SPOCK1: variants seen among roughly 807,000 people sequenced by gnomAD.
SPOCK1 encodes testican-1.
In SPOCK1, 23 loss-of-function variants were observed where a neutral mutation model predicts 55.3. The observed-to-expected ratio is 0.42, with a 90% CI of 0.30 to 0.59. SPOCK1 has a LOEUF of 0.59. SPOCK1 is among the 20% of genes least tolerant of loss of function. The pLI is 0.22. For missense variants in SPOCK1, 499 were observed against 552.5 expected (o/e 0.90, Z 0.97); for synonymous variants, 226 against 221.0 (o/e 1.02, Z -0.20).
At chr5:137,054,378 G>T (rs544549691) in intron 6 of SPOCK1, among the ~76,000 whole-genome samples, 1 of 152,242 alleles carries the variant, frequency 6.6e-6, no homozygotes, top group South Asian at 2.1e-4. Flanking sequence ...ATAATTGAAG[G>T]CAAATAATAG....
At chr5:137,454,524 G>C (rs1189676131) in intron 2 of SPOCK1, among the ~76,000 whole-genome samples, 5 of 152,116 alleles carry the variant, frequency 3.3e-5, no homozygotes, top group African/African-American at 1.2e-4. Context: ...GGAGGGGAGG[G>C]GGGAACAATG....
At chr5:137,347,609 G>A (rs942782480) in intron 2 of SPOCK1, among the ~76,000 whole-genome samples, 21 of 152,206 alleles carry the variant, frequency 1.4e-4, no homozygotes, top group African/African-American at 4.8e-4. Context: ...TTAGCTACTT[G>A]GGAGGCTGAG....
chr5:137,313,846 G>A (rs1716732870), intron 2 of SPOCK1, among the ~76,000 whole-genome samples: 1 of 150,636 alleles, frequency 6.6e-6, no homozygotes, highest in African/African-American at 2.4e-5. Context: ...TCCACATCCT[G>A]GGGGAAATGA....
At chr5:137,165,818 A>C (rs988521692) in intron 3 of SPOCK1, among the ~76,000 whole-genome samples, 1 of 152,180 alleles carries the variant, frequency 6.6e-6, no homozygotes, top group Non-Finnish European at 1.5e-5. Context: ...GATCAAACAG[A>C]AGAATTAGTG....
chr5:137,188,703 A>G (rs1365471450), intron 3 of SPOCK1, among the ~76,000 whole-genome samples: 2 of 152,222 alleles, frequency 1.3e-5, no homozygotes, highest in East Asian at 3.8e-4. Flanking sequence ...TGTTCAAGTG[A>G]AAGGAAAAGT....
Position 137,492,718 on chromosome 5 carries a change from T to G in SPOCK1, c.186+5655A>C, listed in dbSNP as rs557527149. Among the ~76,000 whole-genome samples, 6 of 152,190 alleles carry G rather than the reference T, an allele frequency of 3.9e-5. No homozygotes were observed. In the East Asian group the frequency reaches 1.2e-3, roughly 29 times the overall value. On this transcript the variant is annotated intron_variant, in intron 2 of 10. Transcript: ENST00000394945. ...TTATGGGGGGAGGGCACAATGAGAG[T>G]GTGCATGTAGACCAGAAACCTGCGA... is the stretch of plus-strand genomic sequence containing the variant.
At chr5:137,172,866 A>T (rs1439645702) in intron 3 of SPOCK1, among the ~76,000 whole-genome samples, 1 of 152,146 alleles carries the variant, frequency 6.6e-6, no homozygotes, top group African/African-American at 2.4e-5. Flanking sequence ...CCTGGAACCT[A>T]AAGGCTGTCT....
At chr5:137,208,315 G>A (rs183202363) in intron 3 of SPOCK1, among the ~76,000 whole-genome samples, 1 of 152,292 alleles carries the variant, frequency 6.6e-6, no homozygotes, top group African/African-American at 2.4e-5. Context: ...GGATGACTGT[G>A]TGAACTGGAG....
intron 6 of SPOCK1, among the ~76,000 whole-genome samples, chr5:137,024,315 G>GT (rs1554093475): frequency 0.077 from 641 of 8,334 alleles, 19 homozygotes; most frequent in African/African-American, 0.13. Flanking sequence ...CCAGTTTGAA[G>GT]GGGGGGGGGT....
At chr5:137,250,417 G>A (rs1474350654) in intron 3 of SPOCK1, among the ~76,000 whole-genome samples, 4 of 152,194 alleles carry the variant, frequency 2.6e-5, no homozygotes, top group Non-Finnish European at 5.9e-5. Flanking sequence ...TGAAAGTAAT[G>A]ATGTATGAAA....
chr5:137,359,105 C>A (rs912210658), intron 2 of SPOCK1, among the ~76,000 whole-genome samples: 2 of 152,206 alleles, frequency 1.3e-5, no homozygotes, highest in Admixed American at 1.3e-4. Context: ...TAGGAGCAAT[C>A]TTTTGAGCAT....
In SPOCK1 at chr5:136,992,528, G is replaced by C. The variant is rs1210933936; in HGVS notation, c.662C>G (p.Ala221Gly). 1 of 1,613,640 alleles carries C rather than the reference G, an allele frequency of 6.2e-7. No homozygotes were observed. Among genetic ancestry groups the C allele is most frequent in the African/African-American group, 1.3e-5 (1 of 74,872 alleles). ...GCTGGTGGGCTTGATGACTCTGTTC[G>C]CATCCTCGTGGAGAGCTCCAAACCA... ...KDWFGALHED[A>G]NRVIKPTSSN... The change falls in exon 7 of 11, where the codon GCG becomes GGG. Residue 221 changes from alanine (A) to glycine (G), a missense_variant. Physicochemically the swap from Ala to Gly is moderately conservative, Grantham distance 60. This residue lies in a region of SPOCK1 where 386 missense variants were observed against 400.6 expected (regional missense o/e 0.96). Transcript: ENST00000394945.
intron 3 of SPOCK1, among the ~76,000 whole-genome samples, chr5:137,155,263 G>A (rs1754393225): frequency 6.6e-6 from 1 of 152,086 alleles, no homozygotes; most frequent in Non-Finnish European, 1.5e-5. Flanking sequence ...AAATTGTGTT[G>A]CCTCTAATGT....
intron 2 of SPOCK1, among the ~76,000 whole-genome samples, chr5:137,357,265 T>C (rs1208747827): frequency 6.6e-6 from 1 of 152,100 alleles, no homozygotes; most frequent in African/African-American, 2.4e-5. Flanking sequence ...TAATTGAACA[T>C]CTATAATTAT....
chr5:137,037,159 G>A (rs1751900645), intron 6 of SPOCK1, among the ~76,000 whole-genome samples: 1 of 151,934 alleles, frequency 6.6e-6, no homozygotes, highest in Non-Finnish European at 1.5e-5. Context: ...AAGAAAGACA[G>A]GAGCCCATGC....
At chr5:137,252,264 C>G (rs952150209) in intron 3 of SPOCK1, among the ~76,000 whole-genome samples, 2 of 152,196 alleles carry the variant, frequency 1.3e-5, no homozygotes, top group South Asian at 4.1e-4. Context: ...CATCTCCCCC[C>G]ATGCTATCTG....
At chr5:137,350,968 A>G (rs1750666715) in intron 2 of SPOCK1, among the ~76,000 whole-genome samples, 1 of 152,188 alleles carries the variant, frequency 6.6e-6, no homozygotes, top group South Asian at 2.1e-4. Flanking sequence ...TGAAGGACAT[A>G]TTTCATTCAT....
chr5:137,112,369 T>A lies in SPOCK1; in HGVS notation c.474+66A>T, dbSNP rs563323830. The A allele has an allele frequency of 7.0e-5, 110 of 1,570,564 alleles. 1 individual carries two copies. The Middle Eastern group carries it at 1.1e-3, about 15-fold the overall frequency. Reference sequence around the variant, plus strand: ...CGCTTCCCAAGCCCCAGTTTTGGCATAGAGAAGTGTTAGAACAAGCCGACA... The same window carrying A: ...CGCTTCCCAAGCCCCAGTTTTGGCAAAGAGAAGTGTTAGAACAAGCCGACA... On this transcript the variant is annotated intron_variant, in intron 5 of 10. Coordinates refer to ENST00000394945, the MANE Select transcript of SPOCK1 (RefSeq NM_004598.4).
chr5:137,168,638 A>G (rs1754693676), intron 3 of SPOCK1, among the ~76,000 whole-genome samples: 1 of 152,176 alleles, frequency 6.6e-6, no homozygotes. Context: ...CGAAATGCAA[A>G]TCAAAACTAC....
Sources: gnomAD v4.1 joint callset for allele counts (sites outside exome capture counted in the v4.1 genomes callset) on GRCh38, gnomAD v4.1.1 for gene constraint, gnomAD v4.1.1 regional missense constraint, MANE v1.5 for transcripts, NCBI Gene and HGNC (gene_info 2026-07-23, HGNC 2026-07-21) for gene names.